COLEC12: variants seen among roughly 807,000 people sequenced by gnomAD.
The protein encoded by COLEC12 is collectin-12.
Under a neutral mutation model 71.1 loss-of-function variants are expected in COLEC12, and 33 were observed. The observed-to-expected ratio is 0.46, with a 90% CI of 0.35 to 0.62. The LOEUF (loss-of-function observed/expected upper bound fraction) is 0.62, where lower values mean the gene tolerates loss of function less well. Ranked by LOEUF, COLEC12 falls within the 20% of genes least tolerant of loss-of-function variation. COLEC12 has a pLI of 0.00. For synonymous variants in COLEC12, 350 were observed against 353.0 expected, an observed-to-expected ratio of 0.99 and a Z score of 0.10; for missense variants, 765 against 916.1, an observed-to-expected ratio of 0.84 and a Z score of 2.13.
At chr18:414,262 G>A (rs1363254061) in intron 2 of COLEC12, among the ~76,000 whole-genome samples, 1 of 152,160 alleles carries the variant, frequency 6.6e-6, no homozygotes. Flanking sequence ...TTGGTAAAGA[G>A]AGTAAGCAAA....
rs560659204 is a variant in COLEC12 at position 368,522 on chromosome 18, C to T, written c.59-11000G>A. Among the ~76,000 whole-genome samples, 9 of 152,068 alleles carry T rather than the reference C, an allele frequency of 5.9e-5. No homozygotes were observed. The South Asian group carries it at 6.2e-4, about 11-fold the overall frequency. On this transcript the variant is annotated intron_variant, in intron 2 of 9. Transcript: ENST00000400256. ...CTGGGAGGCAGAGGTTGCAGTGAGC[C>T]GAAATCCCACCAGTACTCTCCAGCC...
chr18:391,402 A>C (rs55711819), intron 2 of COLEC12, among the ~76,000 whole-genome samples: 22,776 of 152,194 alleles, frequency 0.15, 2,138 homozygotes, highest in South Asian at 0.28. Flanking sequence ...TAATTGCATC[A>C]AAGTGTCTCA....
chr18:353,622 T>C (rs1463273626), intron 3 of COLEC12, among the ~76,000 whole-genome samples: 4 of 152,210 alleles, frequency 2.6e-5, no homozygotes, highest in South Asian at 4.1e-4. Flanking sequence ...GTGCTAGACA[T>C]TGAGGATTCA....
At chr18:398,633 C>A (rs1915618091) in intron 2 of COLEC12, among the ~76,000 whole-genome samples, 1 of 152,204 alleles carries the variant, frequency 6.6e-6, no homozygotes, top group Admixed American at 6.5e-5. Flanking sequence ...GGAAATCTCA[C>A]AGATGGGAAA....
At chr18:490,323 T>C (rs1298440400) in intron 1 of COLEC12, among the ~76,000 whole-genome samples, 1 of 152,210 alleles carries the variant, frequency 6.6e-6, no homozygotes, top group Non-Finnish European at 1.5e-5. Context: ...AATTGCAGAA[T>C]TGTGAGCAAA....
chr18:477,120 T>C (rs1436434709), intron 2 of COLEC12, among the ~76,000 whole-genome samples: 2 of 152,192 alleles, frequency 1.3e-5, no homozygotes, highest in Non-Finnish European at 2.9e-5. Flanking sequence ...AATGCAATAA[T>C]GAATCCCTGA....
In COLEC12 at chr18:408,721, T is replaced by C. The variant is rs1036689666; in HGVS notation, c.59-51199A>G. 3.3e-5 allele frequency among the ~76,000 whole-genome samples: 5 copies of C among 152,228 alleles called. No individual in the cohort carries two copies. Among genetic ancestry groups the C allele is most frequent in the Non-Finnish European group, 7.3e-5 (5 of 68,040 alleles). On this transcript the variant is annotated intron_variant, in intron 2 of 9. Transcript: ENST00000400256. The surrounding 1 kb of genome is among the most constrained non-coding windows in gnomAD (Gnocchi z 4.3). ...GTAGGTCTAAATTCATTAATGTGTA[T>C]AGATAGAGCTCCTTAGGAAATAATT...
intron 2 of COLEC12, among the ~76,000 whole-genome samples, chr18:374,637 T>C (rs1415257996): frequency 1.3e-5 from 2 of 152,176 alleles, no homozygotes; most frequent in African/African-American, 4.8e-5. Context: ...ACTAGCAAGT[T>C]TTGGGGCGGC....
intron 3 of COLEC12, among the ~76,000 whole-genome samples, chr18:352,228 A>T (rs1257390782): frequency 6.6e-6 from 1 of 152,214 alleles, no homozygotes; most frequent in African/African-American, 2.4e-5. Context: ...AGCAAAGCTA[A>T]TTTTTAAGAA....
chr18:423,711 T>C (rs1411198120), intron 2 of COLEC12: 2 of 152,270 alleles, frequency 1.3e-5, no homozygotes, highest in African/African-American at 2.4e-5. Context: ...AGGGCTGGTC[T>C]GATAGTAAGA....
intron 7 of COLEC12, 80 bp from the exon 8 acceptor site, chr18:331,857 G>A: frequency 3.6e-6 from 3 of 842,602 alleles, no homozygotes; most frequent in Admixed American, 2.2e-5. Context: ...TTAACATTTA[G>A]AAAAAAGGAC....
intron 2 of COLEC12, among the ~76,000 whole-genome samples, chr18:454,638 C>T (rs1916829141): frequency 6.6e-6 from 1 of 152,274 alleles, no homozygotes; most frequent in African/African-American, 2.4e-5. Context: ...GCCGAGATCA[C>T]GTCATTGCAC....
In COLEC12 at chr18:319,019, G is replaced by A. The variant is rs1913621588; in HGVS notation, c.*1026C>T. On this transcript the variant is annotated 3_prime_UTR_variant, in exon 10 of 10. Transcript: ENST00000400256. ...CTGTAGGGATCTGATGCCAAGTACA[G>A]TCATAGCTCAGCCATGACACAGGGC... is the stretch of plus-strand genomic sequence containing the variant. 6.6e-6 allele frequency: 1 copy of A among 152,058 alleles called. No homozygotes were observed. Among genetic ancestry groups the A allele is most frequent in the Admixed American group, 6.6e-5 (1 of 15,260 alleles). 9.4% of individuals were successfully genotyped at this position (152,058 alleles called of 1,614,324 possible). A position where few individuals can be genotyped will look rare whatever the true frequency, so the allele number is the denominator to read the frequency against.
chr18:380,064 G>C (rs961363176), intron 2 of COLEC12, among the ~76,000 whole-genome samples: 1 of 152,004 alleles, frequency 6.6e-6, no homozygotes, highest in African/African-American at 2.4e-5. Context: ...CCTCAGCATT[G>C]GTGCCCAATA....
chr18:326,670 A>T (rs896564231), intron 8 of COLEC12, among the ~76,000 whole-genome samples: 3 of 152,006 alleles, frequency 2.0e-5, no homozygotes, highest in East Asian at 1.9e-4. Flanking sequence ...GCTTTTTTTT[A>T]AATTTATTGA....
intron 2 of COLEC12, among the ~76,000 whole-genome samples, chr18:474,917 A>G (rs1461637934): frequency 1.3e-5 from 2 of 152,062 alleles, no homozygotes; most frequent in East Asian, 3.9e-4. Flanking sequence ...TACTAAAAAT[A>G]CAAAAAAGTT....
intron 1 of COLEC12, among the ~76,000 whole-genome samples, chr18:485,430 C>T (rs1327993025): frequency 6.6e-6 from 1 of 152,228 alleles, no homozygotes; most frequent in African/African-American, 2.4e-5. Context: ...GCAACCTTAA[C>T]ATATTAAATG....
At chr18:407,507 A>G (rs971310014) in intron 2 of COLEC12, among the ~76,000 whole-genome samples, 1 of 152,234 alleles carries the variant, frequency 6.6e-6, no homozygotes, top group Non-Finnish European at 1.5e-5. Flanking sequence ...GAGAAAATAA[A>G]AAAGAAAGAA....
At position 317,519 on chromosome 18, in the gene COLEC12, AGACAATCT is replaced by A. The variant is rs905093896; in HGVS notation, c.*2518_*2525del. ...CTAGGGCTGTTGGGAGGATCAGGTGAGACAATCTGATTGAAGGACTTGGACCAGTGCCT... is the reference window on the plus strand; with the variant it reads ...CTAGGGCTGTTGGGAGGATCAGGTGAGATTGAAGGACTTGGACCAGTGCCT... On this transcript the variant is annotated 3_prime_UTR_variant, in exon 10 of 10. Transcript: ENST00000400256. 6.6e-6 allele frequency: 1 copy of A among 152,190 alleles called. No homozygotes were observed. The highest frequency in any genetic ancestry group is 1.5e-5 in the Non-Finnish European group (1 of 68,032). The allele number at this position is 152,190 out of a possible 1,614,324, so 9.4% of individuals were successfully genotyped here. A position where few individuals can be genotyped will look rare whatever the true frequency, so the allele number is the denominator to read the frequency against.
Sources: gnomAD v4.1 joint callset for allele counts (sites outside exome capture counted in the v4.1 genomes callset) on GRCh38, gnomAD v4.1.1 for gene constraint, Gnocchi (gnomAD v3.1) non-coding constraint, MANE v1.5 for transcripts, NCBI Gene and HGNC (gene_info 2026-07-23, HGNC 2026-07-21) for gene names.